Variants in PLCB4 observed in about 807,000 individuals in gnomAD.
The protein encoded by PLCB4 is phospholipase C beta 4.
PLCB4 carries 77 observed loss-of-function variants against 178.8 expected under a neutral mutation model. That is an observed-to-expected ratio of 0.43 (90% CI 0.36 to 0.52). The LOEUF is 0.52. Among genes scored for constraint, PLCB4 ranks in the 20% least tolerant of loss-of-function variants. PLCB4 has a pLI of 0.00. For missense variants in PLCB4, 1,024 were observed against 1,453.4 expected, an observed-to-expected ratio of 0.70 and a Z score of 4.80; for synonymous variants, 496 against 490.8, an observed-to-expected ratio of 1.01 and a Z score of -0.14.
At chr20:9,302,067 G>A (rs1018229320) in intron 3 of PLCB4, among the ~76,000 whole-genome samples, 1 of 152,136 alleles carries the variant, frequency 6.6e-6, no homozygotes, top group African/African-American at 2.4e-5. Context: ...CATTCTAGGA[G>A]GTGGAGGAGA....
intron 38 of PLCB4, among the ~76,000 whole-genome samples, chr20:9,474,450 A>T (rs1223855941): frequency 6.6e-6 from 1 of 152,124 alleles, no homozygotes; most frequent in Non-Finnish European, 1.5e-5. Context: ...CTCAGTTCAA[A>T]TGTTATTCTT....
intron 1 of PLCB4, among the ~76,000 whole-genome samples, chr20:9,074,842 A>G (rs2089769508): frequency 1.1e-5 from 1 of 91,790 alleles, no homozygotes; most frequent in South Asian, 4.2e-4. Context: ...AAAACAAAAC[A>G]AAACAAAACA....
chr20:9,387,427 T>C, intron 14 of PLCB4, 36 bp from the exon 15 acceptor site: 2 of 1,040,744 alleles, frequency 1.9e-6, no homozygotes, highest in South Asian at 2.9e-5. Context: ...TATTTCATTG[T>C]AAAGTTTCAA....
chr20:9,158,613 A>T (rs1053350877), intron 2 of PLCB4, among the ~76,000 whole-genome samples: 3 of 151,740 alleles, frequency 2.0e-5, no homozygotes, highest in East Asian at 1.9e-4. Context: ...AACAGTATTT[A>T]AAAGAGAAAC....
intron 2 of PLCB4, among the ~76,000 whole-genome samples, chr20:9,171,018 C>T (rs920089640): frequency 6.6e-6 from 1 of 152,124 alleles, no homozygotes; most frequent in Non-Finnish European, 1.5e-5. Context: ...CATGAAACTC[C>T]CATTTTTGGT....
At chr20:9,089,736 A>C (rs563248023) in intron 1 of PLCB4, among the ~76,000 whole-genome samples, 1 of 152,256 alleles carries the variant, frequency 6.6e-6, no homozygotes, top group African/African-American at 2.4e-5. Flanking sequence ...AGCCTTTGTC[A>C]GCTGTTAGGA....
intron 2 of PLCB4, among the ~76,000 whole-genome samples, chr20:9,137,887 C>T (rs1333221198): frequency 2.0e-5 from 3 of 151,944 alleles, no homozygotes; most frequent in Non-Finnish European, 4.4e-5. Context: ...ACCATTAACT[C>T]AATAATGAAT....
At chr20:9,464,479 A>G (rs2043626788) in intron 35 of PLCB4, among the ~76,000 whole-genome samples, 1 of 152,200 alleles carries the variant, frequency 6.6e-6, no homozygotes, top group Non-Finnish European at 1.5e-5. Flanking sequence ...CAAAAAAATC[A>G]ATGAATCCGG....
chr20:9,368,427 G>A (rs532998113), intron 9 of PLCB4, among the ~76,000 whole-genome samples: 3 of 152,266 alleles, frequency 2.0e-5, no homozygotes, highest in South Asian at 4.1e-4. Context: ...TCGTAACCTG[G>A]AGTGAACACC....
intron 17 of PLCB4, 64 bp from the exon 18 acceptor site, chr20:9,393,524 G>A: frequency 8.9e-7 from 1 of 1,117,520 alleles, no homozygotes; most frequent in Non-Finnish European, 1.3e-6. Context: ...GCTCCTCCTG[G>A]ACTGGGAAGG....
At chr20:9,075,280 A>G (rs569446534) in intron 1 of PLCB4, among the ~76,000 whole-genome samples, 20 of 152,276 alleles carry the variant, frequency 1.3e-4, no homozygotes, top group African/African-American at 3.8e-4. Flanking sequence ...ACTTGTTACC[A>G]TAACAAGTTT....
chr20:9,369,492 A>G (rs1331364899), intron 9 of PLCB4, among the ~76,000 whole-genome samples: 1 of 152,168 alleles, frequency 6.6e-6, no homozygotes, highest in African/African-American at 2.4e-5. Flanking sequence ...TAAACATAGC[A>G]CCCTCTATAC....
chr20:9,427,940 T>C (rs1253322899), intron 28 of PLCB4, among the ~76,000 whole-genome samples: 2 of 152,146 alleles, frequency 1.3e-5, no homozygotes, highest in Non-Finnish European at 2.9e-5. Flanking sequence ...ACCATAAATT[T>C]TGCCTCCTCT....
chr20:9,337,206 G>T lies in PLCB4; in HGVS notation c.165G>T (p.Lys55Asn). The change falls in exon 5 of 40, where the codon AAG becomes AAT. Residue 55 changes from lysine to asparagine, a missense_variant and splice_region_variant. Transcript: ENST00000378473. ...GFFLTWRSEG[K>N]EGQVLECSLI... ...TTCTGACATGGAGAAGTGAAGGCAA[G>T]GTATGGCCCAAGAAGAGCAAGTTGT... 2 of 1,608,718 alleles carry T rather than the reference G, an allele frequency of 1.2e-6. No individual in the cohort carries two copies. Among genetic ancestry groups the T allele is most frequent in the Non-Finnish European group, 1.7e-6 (2 of 1,175,254 alleles).
chr20:9,307,716 C>T (rs943971247), intron 3 of PLCB4, 84 bp from the exon 4 acceptor site: 55 of 563,200 alleles, frequency 9.8e-5, no homozygotes, highest in African/African-American at 9.7e-4. Context: ...AAATCTTCTG[C>T]AAACACAGAA....
intron 25 of PLCB4, 119 bp downstream of exon 25, chr20:9,411,207 A>G (rs1410180836): frequency 1.5e-6 from 1 of 666,890 alleles, no homozygotes; most frequent in Non-Finnish European, 2.6e-6. Flanking sequence ...TGAGGGATGG[A>G]ATAGAAAGAA....
At chr20:9,309,872 T>C (rs1236962554) in intron 4 of PLCB4, among the ~76,000 whole-genome samples, 1 of 152,198 alleles carries the variant, frequency 6.6e-6, no homozygotes, top group African/African-American at 2.4e-5. Context: ...CCTGTGCTTC[T>C]AAAGGCATTT....
chr20:9,140,812 C>T (rs2092474055), intron 2 of PLCB4, among the ~76,000 whole-genome samples: 2 of 151,992 alleles, frequency 1.3e-5, no homozygotes, highest in South Asian at 4.2e-4. Flanking sequence ...CTAAGTAAAC[C>T]ATCTTTCTTT....
chr20:9,235,691 T>G (rs1235397280), intron 3 of PLCB4, among the ~76,000 whole-genome samples: 1 of 152,210 alleles, frequency 6.6e-6, no homozygotes, highest in African/African-American at 2.4e-5. Flanking sequence ...TAAATGCCCC[T>G]TGCAGACACC....
Sources: allele counts gnomAD v4.1 joint callset (sites outside exome capture counted in the v4.1 genomes callset), GRCh38; gene constraint gnomAD v4.1.1; transcripts MANE v1.5; gene names NCBI Gene and HGNC (gene_info 2026-07-23, HGNC 2026-07-21).